Variants in RIPOR2 observed in about 807,000 individuals in gnomAD.
RIPOR2 encodes RHO family interacting cell polarization regulator 2, also known as rho family-interacting cell polarization regulator 2.
A neutral mutation model predicts 114.5 loss-of-function variants in RIPOR2; 39 were observed. That is an observed-to-expected ratio of 0.34 (90% CI 0.26 to 0.44). The LOEUF (loss-of-function observed/expected upper bound fraction) is 0.44. Ranked by LOEUF, RIPOR2 falls within the 20% of genes least tolerant of loss-of-function variation. RIPOR2 has a pLI of 1.00. For missense variants in RIPOR2, 1,007 were observed against 1,255.1 expected, an observed-to-expected ratio of 0.80 and a Z score of 2.99; for synonymous variants, 445 against 484.4, an observed-to-expected ratio of 0.92 and a Z score of 1.07.
intron 19 of RIPOR2, among the ~76,000 whole-genome samples, chr6:24,823,881 T>G (rs1265441508): frequency 6.6e-6 from 1 of 152,104 alleles, no homozygotes; most frequent in African/African-American, 2.4e-5. Context: ...CTCAGCCTCC[T>G]GAGTAGCTGG....
chr6:24,820,330 C>T (rs1174212995), intron 19 of RIPOR2, among the ~76,000 whole-genome samples: 1 of 152,124 alleles, frequency 6.6e-6, no homozygotes, highest in African/African-American at 2.4e-5. Context: ...TGCACACGGC[C>T]CCTGTTTTCT....
At chr6:25,023,578 C>T (rs1776436352) in intron 1 of RIPOR2, 1 of 770,342 alleles carries the variant, frequency 1.3e-6, no homozygotes. Context: ...TTTTGCACAC[C>T]TCCCAGTCCA....
Position 24,865,469 on chromosome 6 carries a change from G to A in RIPOR2, c.502-19C>T. 6.3e-7 allele frequency: 1 copy of A among 1,586,612 alleles called. No homozygotes were observed. The highest frequency in any genetic ancestry group is 8.6e-7 in the Non-Finnish European group (1 of 1,163,384). ...CATCTACCTGCCAGAATCAAAACAG[G>A]AAACAGAAATAAATGTCAGGCTTGA... On this transcript the variant is annotated intron_variant, in intron 6 of 21. Transcript: ENST00000643898.
At chr6:24,875,921 T>G in intron 1 of RIPOR2, 104 bp from the exon 2 acceptor site, 1 of 1,065,836 alleles carries the variant, frequency 9.4e-7, no homozygotes, top group Non-Finnish European at 1.4e-6. Context: ...GCCATGAGAC[T>G]GTTAAGTGCT....
intron 1 of RIPOR2, among the ~76,000 whole-genome samples, chr6:25,025,000 G>A (rs1383015035): frequency 6.6e-6 from 1 of 152,184 alleles, no homozygotes; most frequent in Admixed American, 6.5e-5. Context: ...GTGACTTCAG[G>A]TTGGATGTCG....
chr6:24,867,070 T>G (rs937249789), intron 6 of RIPOR2, among the ~76,000 whole-genome samples: 2 of 152,226 alleles, frequency 1.3e-5, no homozygotes, highest in South Asian at 4.1e-4. Context: ...AATGCAAACA[T>G]GAAGAGACTA....
intron 1 of RIPOR2, among the ~76,000 whole-genome samples, chr6:25,031,605 A>T (rs2113754528): frequency 6.7e-6 from 1 of 148,430 alleles, no homozygotes; most frequent in East Asian, 2.0e-4. Context: ...TAAAGTATAC[A>T]GATGTCTGCA....
chr6:24,830,097 C>A (rs1467982820), intron 17 of RIPOR2, among the ~76,000 whole-genome samples: 1 of 152,146 alleles, frequency 6.6e-6, no homozygotes, highest in Non-Finnish European at 1.5e-5. Flanking sequence ...TCCCAAGTAG[C>A]TGGGATTACA....
intron 1 of RIPOR2, among the ~76,000 whole-genome samples, chr6:25,033,328 G>GT: frequency 6.6e-6 from 1 of 152,300 alleles, no homozygotes; most frequent in South Asian, 2.1e-4. Context: ...CAGTGTCCCA[G>GT]TTTTGCCAGT....
intron 1 of RIPOR2, among the ~76,000 whole-genome samples, chr6:24,903,543 T>C (rs537177548): frequency 3.3e-4 from 51 of 152,324 alleles, no homozygotes; most frequent in African/African-American, 1.2e-3. Context: ...GATACTTACA[T>C]AAAATCTCTC....
intron 1 of RIPOR2, among the ~76,000 whole-genome samples, chr6:24,948,699 T>C (rs1772591465): frequency 6.6e-6 from 1 of 152,112 alleles, no homozygotes; most frequent in Admixed American, 6.5e-5. Context: ...ATCCAGCTAA[T>C]TTTGTATTTT....
intron 1 of RIPOR2, among the ~76,000 whole-genome samples, chr6:24,917,762 C>T (rs1365296632): frequency 6.6e-6 from 1 of 152,196 alleles, no homozygotes; most frequent in African/African-American, 2.4e-5. Context: ...AACCCCTGAC[C>T]TTGTGTTCTG....
At chr6:25,029,411 G>GGAA (rs1776795578) in intron 1 of RIPOR2, among the ~76,000 whole-genome samples, 1 of 90,644 alleles carries the variant, frequency 1.1e-5, no homozygotes, top group Non-Finnish European at 2.0e-5. Flanking sequence ...TCTCAAAAAA[G>GGAA]AAAAAAAAAA....
chr6:24,992,976 A>G (rs1774890832), intron 1 of RIPOR2, among the ~76,000 whole-genome samples: 1 of 152,232 alleles, frequency 6.6e-6, no homozygotes. Context: ...ATTGTAAAAC[A>G]TCTGCAATAA....
intron 1 of RIPOR2, among the ~76,000 whole-genome samples, chr6:25,001,810 C>T (rs1263531582): frequency 6.6e-6 from 1 of 150,384 alleles, no homozygotes; most frequent in Non-Finnish European, 1.5e-5. Flanking sequence ...AGTGATTCTC[C>T]TGCCTCAGCC....
chr6:24,907,899 G>A (rs541223356), intron 1 of RIPOR2, among the ~76,000 whole-genome samples: 6 of 152,218 alleles, frequency 3.9e-5, no homozygotes, highest in African/African-American at 1.4e-4. Context: ...TGCTTTATGA[G>A]ACCATTCTAC....
intron 13 of RIPOR2, 112 bp downstream of exon 13, chr6:24,842,750 A>C (rs1761843484): frequency 2.0e-6 from 1 of 505,208 alleles, no homozygotes; most frequent in Non-Finnish European, 3.3e-6. Context: ...TGAGCTATTA[A>C]TCCTGTGATT....
At chr6:24,970,551 T>C (rs1309227178) in intron 1 of RIPOR2, among the ~76,000 whole-genome samples, 19 of 152,134 alleles carry the variant, frequency 1.2e-4, no homozygotes, top group African/African-American at 3.6e-4. Flanking sequence ...GAGAATACGG[T>C]GAACTAAAAG....
rs189843276 is a variant in RIPOR2 at position 24,874,745 on chromosome 6, G to A, written c.188+946C>T. Among the ~76,000 whole-genome samples the A allele has an allele frequency of 2.4e-3, 371 of 152,324 alleles. 1 individual carries two copies. The highest frequency in any genetic ancestry group is 8.5e-3 in the African/African-American group (354 of 41,576). Reference sequence around the variant, plus strand: ...GGTACAAGTGTCTATGAAATTCAACGAGGATGTGAATAAATTCTTTTCGAT... The same window carrying A: ...GGTACAAGTGTCTATGAAATTCAACAAGGATGTGAATAAATTCTTTTCGAT... On this transcript the variant is annotated intron_variant, in intron 2 of 21. Transcript: ENST00000643898.
Sources: allele counts gnomAD v4.1 joint callset (sites outside exome capture counted in the v4.1 genomes callset), GRCh38; gene constraint gnomAD v4.1.1; transcripts MANE v1.5; gene names NCBI Gene and HGNC (gene_info 2026-07-23, HGNC 2026-07-21).